AIG1: variants seen among roughly 807,000 people sequenced by gnomAD.
The protein encoded by AIG1 is androgen-induced gene 1 protein.
AIG1 carries 23 observed loss-of-function variants against 31.4 expected under a neutral mutation model. The ratio of observed to expected loss-of-function variants is 0.73; its 90% CI spans 0.53 to 1.04. The LOEUF is 1.04. AIG1 is among the 50% of genes least tolerant of loss of function. AIG1 has a pLI of 0.00. For synonymous variants in AIG1, 100 were observed against 110.5 expected (o/e 0.90, Z 0.60); for missense variants, 274 against 295.0 (o/e 0.93, Z 0.52).
chr6:143,241,678 T>G (rs1281250962), intron 3 of AIG1, among the ~76,000 whole-genome samples: 1 of 152,166 alleles, frequency 6.6e-6, no homozygotes, highest in Admixed American at 6.5e-5. Flanking sequence ...TCTCCCTATT[T>G]TATAGGTGAG....
intron 1 of AIG1, among the ~76,000 whole-genome samples, chr6:143,119,375 A>G (rs1284004802): frequency 6.6e-6 from 1 of 152,202 alleles, no homozygotes; most frequent in African/African-American, 2.4e-5. Flanking sequence ...AGAGGTGTCC[A>G]TCTATGGGGT....
At chr6:143,059,439 T>C (rs1004231197), upstream of AIG1, among the ~76,000 whole-genome samples, 1 of 152,174 alleles carries the variant, frequency 6.6e-6, no homozygotes, top group Non-Finnish European at 1.5e-5. Context: ...GATCTACTCT[T>C]TTTTATTTTT....
intron 3 of AIG1, among the ~76,000 whole-genome samples, chr6:143,221,846 G>T (rs148717164): frequency 2.2e-3 from 330 of 152,240 alleles, no homozygotes; most frequent in African/African-American, 7.6e-3. Context: ...TTTCTTTCTT[G>T]ATGCTGAACA....
chr6:143,322,727 T>C (rs1399178772), intron 4 of AIG1, among the ~76,000 whole-genome samples: 2 of 152,184 alleles, frequency 1.3e-5, no homozygotes, highest in Non-Finnish European at 2.9e-5. Flanking sequence ...ATTGGCCTCC[T>C]TTATGGATTA....
chr6:143,218,674 A>T (rs1257873912), intron 3 of AIG1, among the ~76,000 whole-genome samples: 1 of 152,216 alleles, frequency 6.6e-6, no homozygotes, highest in Non-Finnish European at 1.5e-5. Context: ...ATGATACAAG[A>T]TGGCGATTCT....
At chr6:143,103,607 A>G (rs1002649795) in intron 1 of AIG1, among the ~76,000 whole-genome samples, 15 of 139,856 alleles carry the variant, frequency 1.1e-4, no homozygotes, top group African/African-American at 4.0e-4. Flanking sequence ...TCCCGGGTTC[A>G]CGCCATTCTC....
chr6:143,060,950 C>T lies in AIG1; in HGVS notation c.25C>T (p.Leu9=). Residue 9 remains leucine (L), a synonymous_variant, in exon 1 of 6, where the codon CTG becomes TTG. Transcript: ENST00000357847. The part of the protein sequence containing the change: MALVPCQV[L]RMAILLSYCS... ...CATGGCGCTTGTCCCCTGCCAGGTG[C>T]TGCGGATGGCAATCCTGCTGTCTTA... 1 of 1,611,990 alleles carries T rather than the reference C, an allele frequency of 6.2e-7. No homozygotes were observed. The highest frequency in any genetic ancestry group is 8.5e-7 in the Non-Finnish European group (1 of 1,179,518).
In AIG1 at chr6:143,168,503, C is replaced by T. The variant is rs533769312; in HGVS notation, c.399+3320C>T. 1.3e-4 allele frequency among the ~76,000 whole-genome samples: 19 copies of T among 150,616 alleles called. No homozygotes were observed. In the East Asian group the frequency reaches 3.4e-3, roughly 27 times the overall value. Reference sequence around the variant, plus strand: ...ATTCCCACCTATGAGTGAGAACATGCGGTGTTTGGTTTTTTGTCCTTGCGA... The same window carrying T: ...ATTCCCACCTATGAGTGAGAACATGTGGTGTTTGGTTTTTTGTCCTTGCGA... On this transcript the variant is annotated intron_variant, in intron 3 of 5. Coordinates refer to ENST00000357847, the MANE Select transcript of AIG1 (RefSeq NM_016108.4).
intron 3 of AIG1, among the ~76,000 whole-genome samples, chr6:143,271,138 G>C (rs931836661): frequency 6.6e-6 from 1 of 152,234 alleles, no homozygotes; most frequent in African/African-American, 2.4e-5. Flanking sequence ...GTTTGCAGAT[G>C]TCAGTGCAGA....
At position 143,257,158 on chromosome 6, in the gene AIG1, G is replaced by A. The variant is rs150803204; in HGVS notation, c.400-26952G>A. 1.7e-4 allele frequency among the ~76,000 whole-genome samples: 26 copies of A among 152,268 alleles called. No homozygotes were observed. In the East Asian group the frequency reaches 3.3e-3, roughly 19 times the overall value. On this transcript the variant is annotated intron_variant, in intron 3 of 5. Coordinates refer to ENST00000357847, the MANE Select transcript of AIG1 (RefSeq NM_016108.4). The stretch of plus-strand genomic sequence containing the variant: ...TGTGTCAATTGCAAAGGCAGCTGGC[G>A]CTCCCACTGCCTCCGTCCATGCCCG...
intron 1 of AIG1, among the ~76,000 whole-genome samples, chr6:143,104,931 A>G (rs1424621019): frequency 6.6e-6 from 1 of 151,912 alleles, no homozygotes; most frequent in East Asian, 1.9e-4. Context: ...AACATTCTGA[A>G]TGTGTGCAAG....
At chr6:143,152,098 A>C (rs1009189754) in intron 2 of AIG1, among the ~76,000 whole-genome samples, 2 of 152,166 alleles carry the variant, frequency 1.3e-5, no homozygotes, top group African/African-American at 4.8e-5. Flanking sequence ...CCACTGTTAC[A>C]GTAGTATTCT....
intron 3 of AIG1, among the ~76,000 whole-genome samples, chr6:143,261,870 A>C (rs1795802530): frequency 6.6e-6 from 1 of 152,238 alleles, no homozygotes; most frequent in Admixed American, 6.5e-5. Flanking sequence ...CTTTTTCCTC[A>C]TTGATTTTGG....
At chr6:143,078,501 C>T (rs186438706) in intron 1 of AIG1, among the ~76,000 whole-genome samples, 45 of 152,200 alleles carry the variant, frequency 3.0e-4, no homozygotes, top group South Asian at 4.2e-4. Flanking sequence ...AAGACATATT[C>T]GAGACTCGGT....
intron 5 of AIG1, among the ~76,000 whole-genome samples, chr6:143,337,731 TC>T (rs1410482864): frequency 1.3e-5 from 2 of 151,722 alleles, no homozygotes; most frequent in African/African-American, 2.4e-5. Flanking sequence ...GCAGGTCATT[TC>T]CCCCCAGGCC....
At chr6:143,273,552 C>T (rs371196606) in intron 3 of AIG1, among the ~76,000 whole-genome samples, 2 of 152,102 alleles carry the variant, frequency 1.3e-5, no homozygotes, top group African/African-American at 2.4e-5. Flanking sequence ...TCCATTTTCA[C>T]GCTGCTGATA....
intron 2 of AIG1, among the ~76,000 whole-genome samples, chr6:143,138,723 C>CTCTA (rs1333023421): frequency 8.6e-5 from 13 of 151,898 alleles, no homozygotes; most frequent in Non-Finnish European, 1.9e-4. Context: ...GAAACCCCAT[C>CTCTA]TCTACTAAAA....
intron 3 of AIG1, chr6:143,189,547 A>G (rs1789596339): frequency 6.1e-6 from 6 of 985,384 alleles, no homozygotes; most frequent in Non-Finnish European, 7.2e-6. Context: ...TTTTTCTCCA[A>G]TTGCCTGTAT....
chr6:143,196,350 A>ACAC (rs1790222275), intron 3 of AIG1, among the ~76,000 whole-genome samples: 1 of 141,636 alleles, frequency 7.1e-6, no homozygotes, highest in South Asian at 2.3e-4. Context: ...CAACAAAAGC[A>ACAC]ACACACACAC....
Sources: allele counts gnomAD v4.1 joint callset (sites outside exome capture counted in the v4.1 genomes callset), GRCh38; gene constraint gnomAD v4.1.1; transcripts MANE v1.5; gene names NCBI Gene and HGNC (gene_info 2026-07-23, HGNC 2026-07-21).